The following DPY30 variants were observed in gnomAD, a reference collection of about 807,000 sequenced individuals.
DPY30 encodes the protein protein dpy-30 homolog.
A neutral mutation model predicts 16.2 loss-of-function variants in DPY30; 6 were observed. That is an observed-to-expected ratio of 0.37 (90% confidence interval 0.20 to 0.73). DPY30 has a LOEUF of 0.73. Among genes scored for constraint, DPY30 ranks in the 30% least tolerant of loss-of-function variants. The probability of loss-of-function intolerance (pLI) is 0.51; values close to 1 mark genes in which losing one functional copy is unlikely to be tolerated. For missense variants in DPY30, 73 were observed against 113.1 expected (o/e 0.65, Z 1.61); for synonymous variants, 39 against 38.8 (o/e 1.00, Z -0.02).
At chr2:32,023,344 C>T (rs1572991227), downstream of DPY30, 1 of 451,544 alleles carries the variant, frequency 2.2e-6, no homozygotes. Context: ...GGACTGGCTG[C>T]TGCTTTTTAT....
chr2:32,036,447 G>A (rs1025583652), intron 3 of DPY30, among the ~76,000 whole-genome samples: 32 of 151,916 alleles, frequency 2.1e-4, no homozygotes, highest in African/African-American at 6.8e-4. Flanking sequence ...CAAGGTTGGC[G>A]GATCACGAGG....
intron 3 of DPY30, among the ~76,000 whole-genome samples, chr2:32,038,246 G>C (rs1022290945): frequency 6.8e-6 from 1 of 147,204 alleles, no homozygotes; most frequent in Non-Finnish European, 1.5e-5. Flanking sequence ...AGCGATTCGC[G>C]ATTCTCCTGC....
downstream of DPY30, among the ~76,000 whole-genome samples, chr2:32,021,419 T>C (rs1675177633): frequency 6.6e-6 from 1 of 152,150 alleles, no homozygotes; most frequent in African/African-American, 2.4e-5. Flanking sequence ...GGCTAACACC[T>C]ATAATTCCAG....
At position 32,023,918 on chromosome 2, in the gene DPY30, G is replaced by A. The variant is rs536878295; in HGVS notation, c.*266C>T. The A allele has an allele frequency of 7.4e-7, 1 of 1,355,102 alleles. No individual in the cohort carries two copies. The highest frequency in any genetic ancestry group is 1.5e-5 in the African/African-American group (1 of 67,698). The allele number at this position is 1,355,102 out of a possible 1,614,324, so 83.9% of individuals were successfully genotyped here. ...ACTTTAAAATAATGGTGTTTTGACA[G>A]TTTATTTTGAAGGTCATTTTAAAAA... On this transcript the variant is annotated 3_prime_UTR_variant, in exon 5 of 5. Coordinates refer to ENST00000342166, the MANE Select transcript of DPY30 (RefSeq NM_001321209.2).
In DPY30 at chr2:32,039,433, C is replaced by T. The variant is rs765025890; in HGVS notation, c.24G>A (p.Glu8=). Residue 8 remains glutamate, a synonymous_variant, in exon 2 of 5, where the codon GAG becomes GAA. Transcript: ENST00000342166. MEPEQML[E]GQTQVAENPH... ...GGCCTCCTGATACCTGCGTTTGTCC[C>T]TCCAGCATCTGCTCTGGCTCCATGG... is the stretch of plus-strand genomic sequence containing the variant. 1.2e-6 allele frequency: 2 copies of T among 1,614,202 alleles called. No individual in the cohort carries two copies. Among genetic ancestry groups the T allele is most frequent in the Non-Finnish European group, 1.7e-6 (2 of 1,180,040 alleles).
intron 4 of DPY30, among the ~76,000 whole-genome samples, chr2:32,028,823 C>G (rs535455554): frequency 2.6e-5 from 4 of 151,694 alleles, no homozygotes; most frequent in African/African-American, 9.7e-5. Context: ...ATCAGCCAGG[C>G]GTGGTGGCAG....
intron 4 of DPY30, among the ~76,000 whole-genome samples, chr2:32,027,826 C>A (rs893424426): frequency 1.6e-4 from 25 of 151,846 alleles, no homozygotes; most frequent in Non-Finnish European, 3.4e-4. Context: ...GACAGGGTTT[C>A]ACTGCATTAG....
intron 5 of DPY30, among the ~76,000 whole-genome samples, chr2:32,013,987 G>A (rs1425316204): frequency 1.3e-5 from 2 of 148,728 alleles, no homozygotes; most frequent in Non-Finnish European, 3.0e-5. Flanking sequence ...CAGCCTAGGT[G>A]ACAAGAGCAA....
intron 3 of DPY30, among the ~76,000 whole-genome samples, chr2:32,036,520 AAATT>A (rs1168997947): frequency 6.6e-6 from 1 of 152,052 alleles, no homozygotes; most frequent in African/African-American, 2.4e-5. Flanking sequence ...AAATACAAAA[AAATT>A]AGCCGGGCAT....
intron 5 of DPY30, among the ~76,000 whole-genome samples, chr2:32,015,621 G>C (rs1675049583): frequency 2.0e-5 from 3 of 152,072 alleles, no homozygotes; most frequent in Admixed American, 2.0e-4. Flanking sequence ...GCCAAGGCAG[G>C]AGGATCAGTT....
downstream of DPY30, among the ~76,000 whole-genome samples, chr2:32,019,420 A>G (rs7562388): frequency 0.13 from 20,210 of 152,232 alleles, 1,545 homozygotes; most frequent in Middle Eastern, 0.21. Context: ...GGCTAAGATG[A>G]GAGACCGGCT....
At chr2:32,026,900 T>C (rs1439487819) in intron 4 of DPY30, among the ~76,000 whole-genome samples, 1 of 150,382 alleles carries the variant, frequency 6.6e-6, no homozygotes, top group Non-Finnish European at 1.5e-5. Flanking sequence ...AGAAAAGATA[T>C]CCATATTTTT....
chr2:32,019,751 C>T (rs940919309), downstream of DPY30, among the ~76,000 whole-genome samples: 2 of 144,202 alleles, frequency 1.4e-5, no homozygotes, highest in African/African-American at 2.6e-5. Flanking sequence ...ACCCAGGAGG[C>T]AGAGGTTGCA....
At chr2:32,025,448 G>A (rs1675293005) in intron 4 of DPY30, among the ~76,000 whole-genome samples, 2 of 151,646 alleles carry the variant, frequency 1.3e-5, no homozygotes, top group South Asian at 4.2e-4. Flanking sequence ...GGGCGACAGA[G>A]CAAGATTCCG....
At position 32,024,264 on chromosome 2, in the gene DPY30, G is replaced by A; in HGVS notation, c.228-8C>T. 6.3e-7 allele frequency: 1 copy of A among 1,587,782 alleles called. No individual in the cohort carries two copies. The highest frequency in any genetic ancestry group is 1.7e-4 in the Middle Eastern group (1 of 6,012). On this transcript the variant is annotated splice_region_variant and splice_polypyrimidine_tract_variant and intron_variant, in intron 4 of 4. Coordinates refer to ENST00000342166, the MANE Select transcript of DPY30 (RefSeq NM_001321209.2). ...TCAATGGGATTTGGTGGTCTGTAAGGGAAAAGAAATCCAAAGTTTAGAAAT... is the reference window on the plus strand; with the variant it reads ...TCAATGGGATTTGGTGGTCTGTAAGAGAAAAGAAATCCAAAGTTTAGAAAT...
intron 4 of DPY30, among the ~76,000 whole-genome samples, chr2:32,027,135 G>A (rs886555653): frequency 6.0e-5 from 9 of 151,252 alleles, no homozygotes; most frequent in Non-Finnish European, 8.8e-5. Flanking sequence ...AATTAGCCAC[G>A]TGTGGTGGCA....
chr2:32,031,238 G>A (rs1434813574), intron 3 of DPY30, among the ~76,000 whole-genome samples: 9 of 151,660 alleles, frequency 5.9e-5, no homozygotes, highest in Non-Finnish European at 8.8e-5. Context: ...TGGCCAATAC[G>A]GCAAAACCCC....
At position 32,029,701 on chromosome 2, in the gene DPY30, C is replaced by T; in HGVS notation, c.120G>A (p.Lys40=). Residue 40 remains lysine, a synonymous_variant, in exon 4 of 5, where the codon AAG becomes AAA. Transcript: ENST00000342166. ...IVENEKINAE[K]SSKQKVDLQS... ...GGAGATCTACCTTCTGCTTTGATGA[C>T]TTTTCTGCATTAATCTTCTCATTTT... is the stretch of plus-strand genomic sequence containing the variant. 1.2e-6 allele frequency: 2 copies of T among 1,614,082 alleles called. No homozygotes were observed. Among genetic ancestry groups the T allele is most frequent in the Non-Finnish European group, 1.7e-6 (2 of 1,179,988 alleles).
chr2:32,019,130 A>G (rs1291397196), downstream of DPY30, among the ~76,000 whole-genome samples: 3 of 152,116 alleles, frequency 2.0e-5, no homozygotes, highest in Non-Finnish European at 4.4e-5. Context: ...GTCTCGCTCT[A>G]TCACCCAGGC....
Sources: gnomAD v4.1 joint callset for allele counts (sites outside exome capture counted in the v4.1 genomes callset) on GRCh38, gnomAD v4.1.1 for gene constraint, MANE v1.5 for transcripts, NCBI Gene and HGNC (gene_info 2026-07-23, HGNC 2026-07-21) for gene names.